The following CARMIL3 variants were observed in gnomAD, a reference collection of about 807,000 sequenced individuals.
CARMIL3 encodes capping protein regulator and myosin 1 linker 3, also known as capping protein, Arp2/3 and myosin-I linker protein 3.
In CARMIL3, 88 loss-of-function variants were observed where a neutral mutation model predicts 180.8. That is an observed-to-expected ratio of 0.49 (90% CI 0.41 to 0.58). CARMIL3 has a LOEUF of 0.58. Ranked by LOEUF, CARMIL3 falls within the 20% of genes least tolerant of loss-of-function variation. The pLI, the probability that CARMIL3 is intolerant of heterozygous loss-of-function variation, is 0.00. For missense variants in CARMIL3, 1,548 were observed against 1,787.0 expected (o/e 0.87, Z 2.41); for synonymous variants, 696 against 714.5 (o/e 0.97, Z 0.41).
Position 24,069,473 on chromosome 14 carries a change from C to G in CARMIL3, c.*69C>G. On this transcript the variant is annotated 3_prime_UTR_variant, in exon 40 of 40. Transcript: ENST00000342740. ...AAGGACTCAGACCCCTATCCACCCC[C>G]AGTCCCCAGGGCCCCCTGCCAGCCC... 1 of 1,601,404 alleles carries G rather than the reference C, an allele frequency of 6.2e-7. No individual in the cohort carries two copies. Among genetic ancestry groups the G allele is most frequent in the Non-Finnish European group, 8.5e-7 (1 of 1,170,880 alleles).
At position 24,055,617 on chromosome 14, in the gene CARMIL3, T is replaced by C. The variant is rs2035663904; in HGVS notation, c.680T>C (p.Leu227Pro). The change falls in exon 9 of 40, where the codon CTG becomes CCG. Residue 227 changes from leucine to proline, a missense_variant and splice_region_variant. Around this residue, in one of 4 missense-constraint regions of CARMIL3, gnomAD observed 578 missense variants for 666.5 expected, o/e 0.87. Transcript: ENST00000342740. ...AAACTCTACTGCAAGGACTTGCGGCTGGTAGGAACTGGGAGGGGCTGGTGA... is the reference window on the plus strand; with the variant it reads ...AAACTCTACTGCAAGGACTTGCGGCCGGTAGGAACTGGGAGGGGCTGGTGA... ...FTKLYCKDLR[L>P]GSEVLEQVLH... 1 of 1,614,116 alleles carries C rather than the reference T, an allele frequency of 6.2e-7. No individual in the cohort carries two copies. Among genetic ancestry groups the C allele is most frequent in the Non-Finnish European group, 8.5e-7 (1 of 1,179,996 alleles).
chr14:24,064,369 C>A, intron 32 of CARMIL3, 23 bp downstream of exon 32: 1 of 1,556,786 alleles, frequency 6.4e-7, no homozygotes, highest in Non-Finnish European at 8.8e-7. Flanking sequence ...AACACACTCC[C>A]ATTTTCAGCA....
Position 24,056,897 on chromosome 14 carries a change from A to C in CARMIL3, c.953-18A>C. On this transcript the variant is annotated intron_variant, in intron 12 of 39. Transcript: ENST00000342740. The stretch of plus-strand genomic sequence containing the variant: ...GTGGGGCTAGGGGCCAACCCAGCCC[A>C]GTGCCCGCTGTGCTCAGGGCTCCAG... The C allele has an allele frequency of 6.2e-7, 1 of 1,611,058 alleles. No homozygotes were observed. The highest frequency in any genetic ancestry group is 8.5e-7 in the Non-Finnish European group (1 of 1,177,496).
chr14:24,057,316 C>A lies in CARMIL3; in HGVS notation c.1140+72C>A, dbSNP rs945074630. ...ACCACAGTGGGCCTCGGTCTCACCC[C>A]CTATCCCTGAGTACACAGGCGGGCA... On this transcript the variant is annotated intron_variant, in intron 14 of 39. Coordinates refer to ENST00000342740, the MANE Select transcript of CARMIL3 (RefSeq NM_138360.4). 2.1e-5 allele frequency: 29 copies of A among 1,398,306 alleles called. No individual in the cohort carries two copies. In the Admixed American group the frequency reaches 4.8e-4, roughly 23 times the overall value. The allele number at this position is 1,398,306 out of a possible 1,614,324, so 86.6% of individuals were successfully genotyped here. A position where few individuals can be genotyped will look rare whatever the true frequency, so the allele number is the denominator to read the frequency against.
In CARMIL3 at chr14:24,053,704, CT is replaced by C. The variant is rs1566537707; in HGVS notation, c.41-4del. On this transcript the variant is annotated splice_region_variant and splice_polypyrimidine_tract_variant and intron_variant, in intron 1 of 39. Coordinates refer to ENST00000342740, the MANE Select transcript of CARMIL3 (RefSeq NM_138360.4). ...AGCTCTGAGCAGGCTCCCACCCCCC[CT>C]CAGACAGCATCCGGAGGTGCCTGAG... The C allele has an allele frequency of 1.9e-5, 30 of 1,605,732 alleles. No individual in the cohort carries two copies. The highest frequency in any genetic ancestry group is 2.6e-5 in the Non-Finnish European group (30 of 1,175,516).
intron 36 of CARMIL3, 68 bp downstream of exon 36, chr14:24,066,724 A>G (rs963919578): frequency 1.6e-5 from 25 of 1,534,154 alleles, no homozygotes; most frequent in Middle Eastern, 1.7e-4. Context: ...ACAGAAGCCC[A>G]TGGCCCCTGT....
At position 24,054,795 on chromosome 14, in the gene CARMIL3, C is replaced by T; in HGVS notation, c.447C>T (p.Thr149=). The T allele has an allele frequency of 1.2e-6, 2 of 1,613,998 alleles. No homozygotes were observed. The highest frequency in any genetic ancestry group is 1.7e-6 in the Non-Finnish European group (2 of 1,179,938). Residue 149 remains threonine, a synonymous_variant, in exon 6 of 40, where the codon ACC becomes ACT. Transcript: ENST00000342740. The surrounding 1 kb of genome is among the most constrained non-coding windows in gnomAD (Gnocchi z 5.1). The part of the protein sequence containing the change: ...SPNSETSTST[T]HSVCGGFSET... ...ACTCTGAGACTTCCACATCTACCAC[C>T]CACAGTGTCTGCGGTGAGCAGGGGC... is the stretch of plus-strand genomic sequence containing the variant.
Position 24,061,628 on chromosome 14 carries a change from G to T in CARMIL3, c.2436G>T (p.Gly812=). ...RVTVPRNFIR[G]ALLEQAGQDI... is the part of the protein sequence containing the mutation. ...CTGTGCCCCGGAACTTCATCCGAGG[G>T]GCACTGCTGGAGCAAGCAGGACAGG... Residue 812 remains glycine (G), a synonymous_variant, in exon 27 of 40, where the codon GGG becomes GGT. Transcript: ENST00000342740. This position sits in a 1 kb window ranked among gnomAD's most constrained non-coding sequence, Gnocchi z 4.1. The T allele has an allele frequency of 6.2e-7, 1 of 1,613,914 alleles. No individual in the cohort carries two copies. Among genetic ancestry groups the T allele is most frequent in the Non-Finnish European group, 8.5e-7 (1 of 1,179,992 alleles).
In CARMIL3 at chr14:24,069,692, C is replaced by T. The variant is rs73603054; in HGVS notation, c.*288C>T. 5.8e-6 allele frequency: 3 copies of T among 519,512 alleles called. No individual in the cohort carries two copies. In the East Asian group the frequency reaches 9.4e-5, roughly 16 times the overall value. The allele number at this position is 519,512 out of a possible 1,614,324, so 32.2% of individuals were successfully genotyped here. A position where few individuals can be genotyped will look rare whatever the true frequency, so the allele number is the denominator to read the frequency against. On this transcript the variant is annotated 3_prime_UTR_variant, in exon 40 of 40. Coordinates refer to ENST00000342740, the MANE Select transcript of CARMIL3 (RefSeq NM_138360.4). ...CTCTGTCCCTCTATCCCCAGGGACTCTCTCCCCTCTTGTATAGAATAAAAA... is the reference window on the plus strand; with the variant it reads ...CTCTGTCCCTCTATCCCCAGGGACTTTCTCCCCTCTTGTATAGAATAAAAA...
In CARMIL3 at chr14:24,055,761, C is replaced by T; in HGVS notation, c.742C>T (p.Leu248=). ...TLSKSGSLEE[L]VLDNAGLKTD... is the part of the protein sequence containing the mutation. Reference sequence around the variant, plus strand: ...AAGCAAGTCGGGGAGCCTCGAAGAGCTGGTGCTGGACAACGCCGGGCTTAA... The same window carrying T: ...AAGCAAGTCGGGGAGCCTCGAAGAGTTGGTGCTGGACAACGCCGGGCTTAA... Residue 248 remains leucine (L), a synonymous_variant, in exon 10 of 40, where the codon CTG becomes TTG. Transcript: ENST00000342740. The T allele has an allele frequency of 6.2e-7, 1 of 1,614,082 alleles. No homozygotes were observed. Among genetic ancestry groups the T allele is most frequent in the Non-Finnish European group, 8.5e-7 (1 of 1,179,984 alleles).
intron 32 of CARMIL3, 145 bp from the exon 33 acceptor site, chr14:24,064,813 A>G: frequency 1.2e-6 from 1 of 840,338 alleles, no homozygotes; most frequent in Non-Finnish European, 1.9e-6. Flanking sequence ...GGGACAGGAA[A>G]GGCAAGGGCA....
At position 24,060,695 on chromosome 14, in the gene CARMIL3, C is replaced by T. The variant is rs2035724111; in HGVS notation, c.2129C>T (p.Pro710Leu). ...GCCCTGAGACTATGCCCCCTGGAGCCTGTGCAGGATGAGCTACTCTACGCT... is the reference window on the plus strand; with the variant it reads ...GCCCTGAGACTATGCCCCCTGGAGCTTGTGCAGGATGAGCTACTCTACGCT... Reference protein sequence around the residue: ...VRALRLCPLEPVQDELLYARD... With the variant: ...VRALRLCPLELVQDELLYARD... The change falls in exon 25 of 40, where the codon CCT becomes CTT. Residue 710 changes from proline to leucine, a missense_variant. Physicochemically the swap from Pro to Leu is moderately conservative, Grantham distance 98. This residue lies in a region of CARMIL3 where 297 missense variants were observed against 415.9 expected (regional missense o/e 0.71). Transcript: ENST00000342740. 1 of 1,613,934 alleles carries T rather than the reference C, an allele frequency of 6.2e-7. No homozygotes were observed. The highest frequency in any genetic ancestry group is 1.3e-5 in the African/African-American group (1 of 74,918).
Position 24,061,895 on chromosome 14 carries a change from A to C in CARMIL3, c.2480+223A>C, listed in dbSNP as rs2035736915. 1 of 553,502 alleles carries C rather than the reference A, an allele frequency of 1.8e-6. No individual in the cohort carries two copies. Among genetic ancestry groups the C allele is most frequent in the East Asian group, 3.1e-5 (1 of 32,126 alleles). The allele number at this position is 553,502 out of a possible 1,614,324, so 34.3% of individuals were successfully genotyped here. On this transcript the variant is annotated intron_variant, in intron 27 of 39. Transcript: ENST00000342740. This position sits in a 1 kb window ranked among gnomAD's most constrained non-coding sequence, Gnocchi z 4.1. ...TTAGGAGCCAAGTTTGTGCCCACAC[A>C]GGTGTACACACACATACCCACACAA...
rs748472436 is a variant in CARMIL3, at chr14:24,060,911, C to G, written c.2191-16C>G. On this transcript the variant is annotated splice_polypyrimidine_tract_variant and intron_variant, in intron 25 of 39. Transcript: ENST00000342740. ...CCTGGTTCTGGCCTGCTAATCATAA[C>G]CCCTTCCTTCTCCAGCTGTTTCCCA... The G allele has an allele frequency of 6.4e-7, 1 of 1,550,570 alleles. No individual in the cohort carries two copies. The highest frequency in any genetic ancestry group is 2.0e-5 in the Admixed American group (1 of 50,950).
chr14:24,062,794 G>T lies in CARMIL3; in HGVS notation c.2654G>T (p.Gly885Val). 6.2e-7 allele frequency: 1 copy of T among 1,613,834 alleles called. No individual in the cohort carries two copies. Among genetic ancestry groups the T allele is most frequent in the Non-Finnish European group, 8.5e-7 (1 of 1,179,846 alleles). ...CAGGATCTGTCCTCCCGGGGCCGAG[G>T]CCGGAACCATGACCATGAGGAGACC... ...QGQDLSSRGR[G>V]RNHDHEETTD... is the part of the protein sequence containing the mutation. Residue 885 changes from glycine to valine, a missense_variant, in exon 29 of 40, where the codon GGC (glycine) becomes GTC (valine). By Grantham distance (109) the Gly-to-Val change is moderately radical. Coordinates refer to ENST00000342740, the MANE Select transcript of CARMIL3 (RefSeq NM_138360.4).
At chr14:24,067,667 C>G (rs1424103565) in intron 36 of CARMIL3, among the ~76,000 whole-genome samples, 3 of 152,278 alleles carry the variant, frequency 2.0e-5, no homozygotes, top group Non-Finnish European at 2.9e-5. Flanking sequence ...TTTTTTCCAT[C>G]CCATACACAG....
chr14:24,058,635 C>G lies in CARMIL3; in HGVS notation c.1393-45C>G. 1 of 1,560,962 alleles carries G rather than the reference C, an allele frequency of 6.4e-7. No individual in the cohort carries two copies. The highest frequency in any genetic ancestry group is 8.8e-7 in the Non-Finnish European group (1 of 1,136,300). ...ATCCTAAGCATTAAAGGTGCCCTACCCCCACCCCAACCCCTGCCTTCCCTA... is the reference window on the plus strand; with the variant it reads ...ATCCTAAGCATTAAAGGTGCCCTACGCCCACCCCAACCCCTGCCTTCCCTA... On this transcript the variant is annotated intron_variant, in intron 17 of 39. Transcript: ENST00000342740. This position sits in a 1 kb window ranked among gnomAD's most constrained non-coding sequence, Gnocchi z 6.4.
chr14:24,066,659 A>G lies in CARMIL3; in HGVS notation c.3682+3A>G. The G allele has an allele frequency of 1.2e-6, 2 of 1,613,556 alleles. No homozygotes were observed. The highest frequency in any genetic ancestry group is 1.7e-6 in the Non-Finnish European group (2 of 1,179,546). ...AGCAGAGGCCACATGGCACATAGGTATGGAAAGCCTCTTTTCAGGCAGCAG... is the reference window on the plus strand; with the variant it reads ...AGCAGAGGCCACATGGCACATAGGTGTGGAAAGCCTCTTTTCAGGCAGCAG... On this transcript the variant is annotated splice_donor_region_variant and intron_variant, in intron 36 of 39. Transcript: ENST00000342740.
In CARMIL3 at chr14:24,068,648, G is replaced by A; in HGVS notation, c.3747G>A (p.Glu1249=). 6.2e-7 allele frequency: 1 copy of A among 1,613,996 alleles called. No homozygotes were observed. Among genetic ancestry groups the A allele is most frequent in the Admixed American group, 1.7e-5 (1 of 59,980 alleles). The change falls in exon 37 of 40, where the codon GAG becomes GAA. Residue 1249 remains glutamate (E), a synonymous_variant. Transcript: ENST00000342740. ...SPSPASQDGE[E]EKEGTLFPER... ...GCCCAGCCTCCCAAGATGGGGAAGA[G>A]GAGAAGGAGGGGACCCTCTTCCCAG... is the stretch of plus-strand genomic sequence containing the variant.
Sources: allele counts gnomAD v4.1 joint callset (sites outside exome capture counted in the v4.1 genomes callset), GRCh38; gene constraint gnomAD v4.1.1; regional missense constraint gnomAD v4.1.1; non-coding constraint Gnocchi (gnomAD v3.1); transcripts MANE v1.5; gene names NCBI Gene and HGNC (gene_info 2026-07-23, HGNC 2026-07-21).